KATNAL1: variants seen among roughly 807,000 people sequenced by gnomAD.
KATNAL1 encodes the protein katanin catalytic subunit A1 like 1, also known as katanin p60 ATPase-containing subunit A-like 1.
Under a neutral mutation model 55.2 loss-of-function variants are expected in KATNAL1, and 32 were observed. The observed-to-expected ratio is 0.58, with a 90% CI of 0.44 to 0.78. KATNAL1 has a LOEUF of 0.78. Ranked by LOEUF, KATNAL1 falls within the 30% of genes least tolerant of loss-of-function variation. The pLI, the probability that KATNAL1 is intolerant of heterozygous loss-of-function variation, is 0.00. For missense variants in KATNAL1, 466 were observed against 600.9 expected (o/e 0.78, Z 2.35); for synonymous variants, 193 against 193.6 (o/e 1.00, Z 0.02).
chr13:30,221,723 A>C (rs900743397), intron 9 of KATNAL1, among the ~76,000 whole-genome samples: 1 of 152,228 alleles, frequency 6.6e-6, no homozygotes, highest in Non-Finnish European at 1.5e-5. Flanking sequence ...TTATACGTCA[A>C]CTTGGCTGGG....
At chr13:30,230,249 T>C (rs1015292455) in intron 8 of KATNAL1, among the ~76,000 whole-genome samples, 2 of 152,200 alleles carry the variant, frequency 1.3e-5, no homozygotes, top group Non-Finnish European at 2.9e-5. Flanking sequence ...TTGAAGGCCA[T>C]AGTAGCCTTT....
chr13:30,259,601 A>G (rs1251233078), intron 3 of KATNAL1, among the ~76,000 whole-genome samples: 1 of 152,150 alleles, frequency 6.6e-6, no homozygotes, highest in Non-Finnish European at 1.5e-5. Context: ...TAGTCAAAGA[A>G]AGGGGTGACA....
chr13:30,240,831 T>A (rs568633807), intron 5 of KATNAL1, 128 bp downstream of exon 5: 52 of 908,252 alleles, frequency 5.7e-5, no homozygotes, highest in Admixed American at 8.3e-5. Flanking sequence ...TCTCGTCAAT[T>A]CTATACTTTC....
rs549656679 is a variant in KATNAL1, at chr13:30,289,148, T to C, written c.-14-5357A>G. ...TAGCTATTCTACACACACTATTCAT[T>C]AAGATTATTTAACACTTCAAACTCA... is the stretch of plus-strand genomic sequence containing the variant. On this transcript the variant is annotated intron_variant, in intron 1 of 10. Coordinates refer to ENST00000380615, the MANE Select transcript of KATNAL1 (RefSeq NM_032116.5). Among the ~76,000 whole-genome samples, 3 of 152,354 alleles carry C rather than the reference T, an allele frequency of 2.0e-5. No individual in the cohort carries two copies. In the South Asian group the frequency reaches 6.2e-4, roughly 32 times the overall value.
chr13:30,246,609 T>C (rs577999504), intron 4 of KATNAL1, among the ~76,000 whole-genome samples: 1 of 152,258 alleles, frequency 6.6e-6, no homozygotes, highest in African/African-American at 2.4e-5. Flanking sequence ...ACAGGCAACC[T>C]ACAGAATGGG....
chr13:30,251,341 T>C (rs1041068744), intron 4 of KATNAL1, among the ~76,000 whole-genome samples: 1 of 152,208 alleles, frequency 6.6e-6, no homozygotes, highest in Non-Finnish European at 1.5e-5. Context: ...TCCCAGGTGC[T>C]ATGGTCTAAA....
rs573478040 is a variant in KATNAL1, at chr13:30,225,844, T to G, written c.1147+1568A>C. 7.9e-5 allele frequency among the ~76,000 whole-genome samples: 12 copies of G among 152,210 alleles called. No homozygotes were observed. In the South Asian group the frequency reaches 2.5e-3, roughly 32 times the overall value. ...GGACTTCATCAAAATTTAAAATGTC[T>G]GCTTATTAAGAGATACCATAAAGAA... On this transcript the variant is annotated intron_variant, in intron 9 of 10. Coordinates refer to ENST00000380615, the MANE Select transcript of KATNAL1 (RefSeq NM_032116.5).
chr13:30,303,440 C>G (rs1376681098), intron 1 of KATNAL1, among the ~76,000 whole-genome samples: 1 of 152,168 alleles, frequency 6.6e-6, no homozygotes, highest in African/African-American at 2.4e-5. Flanking sequence ...GGCCACATGC[C>G]TGAAATCCCA....
intron 3 of KATNAL1, among the ~76,000 whole-genome samples, chr13:30,263,371 G>A (rs201329704): frequency 0.084 from 12,757 of 151,396 alleles, 1,056 homozygotes; most frequent in African/African-American, 0.21. Flanking sequence ...TCTGGCCAGG[G>A]CAATTAGGCA....
chr13:30,295,623 A>T (rs1190070927), intron 1 of KATNAL1, among the ~76,000 whole-genome samples: 1 of 151,798 alleles, frequency 6.6e-6, no homozygotes, highest in African/African-American at 2.4e-5. Flanking sequence ...AAAAAACTTG[A>T]ATGGATGAGT....
At chr13:30,265,418 GAAA>G (rs66687023) in intron 3 of KATNAL1, among the ~76,000 whole-genome samples, 1 of 149,740 alleles carries the variant, frequency 6.7e-6, no homozygotes, top group Non-Finnish European at 1.5e-5. Context: ...TAAAAAAAAA[GAAA>G]AAAAAGCATT....
chr13:30,210,201 A>G, intron 10 of KATNAL1, 115 bp downstream of exon 10: 1 of 771,738 alleles, frequency 1.3e-6, no homozygotes, highest in Non-Finnish European at 1.9e-6. Flanking sequence ...ATTTTAAAGA[A>G]ATGGGTAGCT....
intron 8 of KATNAL1, among the ~76,000 whole-genome samples, chr13:30,228,392 T>G (rs2137389639): frequency 6.6e-6 from 1 of 152,246 alleles, no homozygotes; most frequent in South Asian, 2.1e-4. Flanking sequence ...TGATCTCAGC[T>G]CACTGAAACA....
At chr13:30,229,870 A>G (rs1875909364) in intron 8 of KATNAL1, among the ~76,000 whole-genome samples, 1 of 152,084 alleles carries the variant, frequency 6.6e-6, no homozygotes, top group Admixed American at 6.5e-5. Flanking sequence ...TCACTTAAAA[A>G]TAATGATAAA....
chr13:30,281,122 C>CAAAAAAAAAA (rs1263107106), intron 2 of KATNAL1, among the ~76,000 whole-genome samples: 3 of 63,636 alleles, frequency 4.7e-5, no homozygotes, highest in Admixed American at 2.1e-4. Flanking sequence ...GAATCCATGT[C>CAAAAAAAAAA]AAAAAAAAAA....
intron 8 of KATNAL1, among the ~76,000 whole-genome samples, chr13:30,229,970 A>C (rs1875925827): frequency 9.4e-6 from 1 of 106,718 alleles, no homozygotes; most frequent in East Asian, 2.9e-4. Context: ...TTTTTTTAAC[A>C]TTTTTGCAAA....
chr13:30,281,588 G>C (rs372205237), intron 2 of KATNAL1, among the ~76,000 whole-genome samples: 18 of 152,130 alleles, frequency 1.2e-4, no homozygotes, highest in African/African-American at 3.9e-4. Context: ...TAACATTTAA[G>C]TTGGAAAATA....
At chr13:30,241,203 G>T (rs890014147) in intron 4 of KATNAL1, 117 bp from the exon 5 acceptor site, 9 of 978,074 alleles carry the variant, frequency 9.2e-6, no homozygotes, top group Non-Finnish European at 1.4e-5. Flanking sequence ...TTATTTTAAG[G>T]TAGTATTTTC....
At chr13:30,225,630 G>GA (rs951430094) in intron 9 of KATNAL1, among the ~76,000 whole-genome samples, 1 of 134,316 alleles carries the variant, frequency 7.4e-6, no homozygotes, top group African/African-American at 2.8e-5. Flanking sequence ...ATATACATAT[G>GA]AAAAAAATGA....
Sources: allele counts gnomAD v4.1 joint callset (sites outside exome capture counted in the v4.1 genomes callset), GRCh38; gene constraint gnomAD v4.1.1; transcripts MANE v1.5; gene names NCBI Gene and HGNC (gene_info 2026-07-23, HGNC 2026-07-21).